The following CCDC88C variants were observed in gnomAD, a reference collection of about 807,000 sequenced individuals.
CCDC88C encodes the protein protein Daple.
Under a neutral mutation model 198.8 loss-of-function variants are expected in CCDC88C, and 131 were observed. That is an observed-to-expected ratio of 0.66 (90% CI 0.57 to 0.76). The LOEUF (loss-of-function observed/expected upper bound fraction) is 0.76. CCDC88C is among the 30% of genes least tolerant of loss of function. The pLI is 0.00. For missense variants in CCDC88C, 2,553 were observed against 2,631.6 expected, an observed-to-expected ratio of 0.97 and a Z score of 0.65; for synonymous variants, 1,166 against 1,114.7, an observed-to-expected ratio of 1.05 and a Z score of -0.92.
chr14:91,352,108 A>G lies in CCDC88C; in HGVS notation c.340+7534T>C, dbSNP rs944076063. 6.6e-6 allele frequency among the ~76,000 whole-genome samples: 1 copy of G among 152,136 alleles called. No homozygotes were observed. Among genetic ancestry groups the G allele is most frequent in the Non-Finnish European group, 1.5e-5 (1 of 68,022 alleles). On this transcript the variant is annotated intron_variant, in intron 4 of 29. Transcript: ENST00000389857. The surrounding 1 kb of genome is among the most constrained non-coding windows in gnomAD (Gnocchi z 4.2). ...GTCCCTCCCAACCACCACGTGGAAA[A>G]CTCAAACATAAAGACCTTTGACAAA... is the stretch of plus-strand genomic sequence containing the variant.
At chr14:91,324,705 A>G in intron 12 of CCDC88C, 74 bp downstream of exon 12, 1 of 1,551,438 alleles carries the variant, frequency 6.4e-7, no homozygotes, top group South Asian at 1.1e-5. Context: ...GCAGATTCAG[A>G]GCCCAGGACT....
intron 20 of CCDC88C, among the ~76,000 whole-genome samples, chr14:91,301,106 A>G (rs1293464426): frequency 2.0e-5 from 3 of 152,218 alleles, no homozygotes; most frequent in East Asian, 1.9e-4. Context: ...CAGAAACTTT[A>G]TAACTCTTAC....
chr14:91,367,736 C>T (rs926486450), intron 3 of CCDC88C, among the ~76,000 whole-genome samples: 1 of 152,108 alleles, frequency 6.6e-6, no homozygotes, highest in African/African-American at 2.4e-5. Flanking sequence ...GGGACAGAGC[C>T]AGGAAATGTA....
chr14:91,303,999 G>C (rs1272211875), intron 19 of CCDC88C, 21 bp from the exon 20 acceptor site: 8 of 1,590,706 alleles, frequency 5.0e-6, no homozygotes, highest in Non-Finnish European at 6.8e-6. Context: ...GGAGAAGCGC[G>C]GCGTGGCGCA....
intron 25 of CCDC88C, among the ~76,000 whole-genome samples, chr14:91,286,951 T>TA (rs1890433917): frequency 6.6e-6 from 1 of 151,990 alleles, no homozygotes; most frequent in South Asian, 2.1e-4. Flanking sequence ...ATAAAGCACA[T>TA]AAAGTAGTTA....
At chr14:91,405,799 C>T (rs776987067) in intron 3 of CCDC88C, among the ~76,000 whole-genome samples, 6 of 152,226 alleles carry the variant, frequency 3.9e-5, no homozygotes, top group Non-Finnish European at 8.8e-5. Flanking sequence ...AAAAAACACA[C>T]AGCAGAACAC....
intron 3 of CCDC88C, among the ~76,000 whole-genome samples, chr14:91,362,607 C>G (rs1894359071): frequency 6.6e-6 from 1 of 152,158 alleles, no homozygotes; most frequent in African/African-American, 2.4e-5. Context: ...AGTTTTCCCA[C>G]AAGAAACATG....
chr14:91,366,714 G>C (rs554333013), intron 3 of CCDC88C, among the ~76,000 whole-genome samples: 1 of 152,290 alleles, frequency 6.6e-6, no homozygotes, highest in East Asian at 1.9e-4. Flanking sequence ...AGAACAGATG[G>C]GAGCCAGGAG....
At chr14:91,409,311 C>T (rs1886679259) in intron 2 of CCDC88C, among the ~76,000 whole-genome samples, 3 of 151,786 alleles carry the variant, frequency 2.0e-5, no homozygotes, top group Admixed American at 2.0e-4. Context: ...GTCTCAGCCT[C>T]CCAGGCAGCT....
rs1884821065 is a variant in CCDC88C, at chr14:91,381,968, CT to C, written c.271-22258del. On this transcript the variant is annotated intron_variant, in intron 3 of 29. Transcript: ENST00000389857. The surrounding 1 kb of genome is among the most constrained non-coding windows in gnomAD (Gnocchi z 4.2). ...AGCCCATTTTATCACGACATCTTGT[CT>C]TCATTGTTTCACACTTTGACTCATC... Among the ~76,000 whole-genome samples the C allele has an allele frequency of 6.6e-6, 1 of 152,152 alleles. No homozygotes were observed. The highest frequency in any genetic ancestry group is 2.1e-4 in the South Asian group (1 of 4,830).
chr14:91,396,052 ACGACAATTATATCG>A (rs1259750957), intron 3 of CCDC88C, among the ~76,000 whole-genome samples: 1 of 152,198 alleles, frequency 6.6e-6, no homozygotes, highest in Non-Finnish European at 1.5e-5. Flanking sequence ...GAAAAATAAG[ACGACAATTATATCG>A]CGACAATTAC....
In CCDC88C at chr14:91,325,856, A is replaced by G; in HGVS notation, c.1197+54T>C. 1 of 1,519,084 alleles carries G rather than the reference A, an allele frequency of 6.6e-7. No homozygotes were observed. The allele number at this position is 1,519,084 out of a possible 1,614,324, so 94.1% of individuals were successfully genotyped here. A position where few individuals can be genotyped will look rare whatever the true frequency, so the allele number is the denominator to read the frequency against. On this transcript the variant is annotated intron_variant, in intron 11 of 29. Coordinates refer to ENST00000389857, the MANE Select transcript of CCDC88C (RefSeq NM_001080414.4). The surrounding 1 kb of genome is among the most constrained non-coding windows in gnomAD (Gnocchi z 4.1). Reference sequence around the variant, plus strand: ...AGTGCTGGGATTACAGGCATGAGCCACTGTGCCCGAGCCCAATCTGTTTTC... The same window carrying G: ...AGTGCTGGGATTACAGGCATGAGCCGCTGTGCCCGAGCCCAATCTGTTTTC...
At chr14:91,401,758 C>G (rs577366861) in intron 3 of CCDC88C, among the ~76,000 whole-genome samples, 1 of 152,276 alleles carries the variant, frequency 6.6e-6, no homozygotes, top group East Asian at 1.9e-4. Flanking sequence ...AAACTAATGT[C>G]TCCTCTGCAA....
intron 27 of CCDC88C, 128 bp downstream of exon 27, chr14:91,281,329 T>C (rs747400499): frequency 1.3e-6 from 2 of 1,547,384 alleles, no homozygotes; most frequent in African/African-American, 1.4e-5. Flanking sequence ...GAAGGAAGAA[T>C]GGGTCCCCCA....
At chr14:91,315,615 G>A in intron 14 of CCDC88C, 35 bp downstream of exon 14, 9 of 1,612,398 alleles carry the variant, frequency 5.6e-6, no homozygotes, top group Non-Finnish European at 6.8e-6. Context: ...GCAGGCAGGG[G>A]TTCTAGGAGA....
chr14:91,306,168 A>C (rs967375547), intron 18 of CCDC88C, among the ~76,000 whole-genome samples: 5 of 152,210 alleles, frequency 3.3e-5, no homozygotes, highest in African/African-American at 4.8e-5. Context: ...AGGTGAATGC[A>C]TGCTGGAGTT....
chr14:91,310,267 T>C (rs192779574), intron 15 of CCDC88C, among the ~76,000 whole-genome samples: 120 of 152,162 alleles, frequency 7.9e-4, no homozygotes, highest in African/African-American at 2.6e-3. Flanking sequence ...ATGCCACTTA[T>C]GTTGACCTTT....
At chr14:91,363,407 G>C (rs751117351) in intron 3 of CCDC88C, among the ~76,000 whole-genome samples, 1 of 151,712 alleles carries the variant, frequency 6.6e-6, no homozygotes, top group East Asian at 1.9e-4. Flanking sequence ...CACCTTGCCC[G>C]GCCTTTGCAT....
At position 91,291,033 on chromosome 14, in the gene CCDC88C, G is replaced by T. The variant is rs760936124; in HGVS notation, c.4164C>A (p.Ile1388=). Residue 1388 remains isoleucine (I), a synonymous_variant, in exon 24 of 30, where the codon ATC becomes ATA. Transcript: ENST00000389857. ...RRHKEKLEEK[I]MDQYKFYDPP... ...GATCATAGAACTTGTATTGATCCAT[G>T]ATTTTTTCTTCCAGCTTTTCCTTAT... 5 of 1,592,638 alleles carry T rather than the reference G, an allele frequency of 3.1e-6. No homozygotes were observed. The highest frequency in any genetic ancestry group is 4.3e-6 in the Non-Finnish European group (5 of 1,166,602).
Sources: allele counts gnomAD v4.1 joint callset (sites outside exome capture counted in the v4.1 genomes callset), GRCh38; gene constraint gnomAD v4.1.1; non-coding constraint Gnocchi (gnomAD v3.1); transcripts MANE v1.5; gene names NCBI Gene and HGNC (gene_info 2026-07-23, HGNC 2026-07-21).